FARSB: variants seen among roughly 807,000 people sequenced by gnomAD.
The protein encoded by FARSB is phenylalanyl-tRNA synthetase subunit beta.
FARSB carries 40 observed loss-of-function variants against 69.6 expected under a neutral mutation model. The observed-to-expected ratio is 0.57, with a 90% CI of 0.45 to 0.75. The LOEUF is 0.75. Among genes scored for constraint, FARSB ranks in the 30% least tolerant of loss-of-function variants. The pLI is 0.00. For missense variants in FARSB, 632 were observed against 722.9 expected (o/e 0.87, Z 1.44); for synonymous variants, 235 against 247.2 (o/e 0.95, Z 0.46).
At chr2:222,652,324 A>G (rs1195867091) in intron 1 of FARSB, among the ~76,000 whole-genome samples, 2 of 152,108 alleles carry the variant, frequency 1.3e-5, no homozygotes, top group South Asian at 4.1e-4. Flanking sequence ...TGGAGGTTAG[A>G]GGGGAAACGG....
Position 222,634,418 on chromosome 2 carries a change from T to C in FARSB, c.579A>G (p.Thr193=), listed in dbSNP as rs746559659. ...FKPLNKTKEY[T]ACELMNIYKT... is the part of the protein sequence containing the mutation. ...TGTATATGTTCATCAGTTCACAGGC[T>C]GTATACTCCTTGGTCTTATTTAGAG... is the stretch of plus-strand genomic sequence containing the variant. The change falls in exon 6 of 17, where the codon ACA becomes ACG. Residue 193 remains threonine, a synonymous_variant. Transcript: ENST00000281828. 2 of 1,608,582 alleles carry C rather than the reference T, an allele frequency of 1.2e-6. No individual in the cohort carries two copies. The highest frequency in any genetic ancestry group is 1.7e-6 in the Non-Finnish European group (2 of 1,176,798).
intron 14 of FARSB, among the ~76,000 whole-genome samples, chr2:222,615,110 A>G (rs1253293740): frequency 1.3e-5 from 2 of 152,174 alleles, no homozygotes; most frequent in East Asian, 3.9e-4. Flanking sequence ...AAAAAGCAAA[A>G]ATTTCCTGCT....
At chr2:222,653,870 C>T (rs1306012183) in intron 1 of FARSB, among the ~76,000 whole-genome samples, 2 of 152,114 alleles carry the variant, frequency 1.3e-5, no homozygotes, top group South Asian at 2.1e-4. Context: ...AATCTGCCCA[C>T]CTCGTCCTCC....
chr2:222,586,369 A>G lies in FARSB; in HGVS notation c.1618+13559T>C, dbSNP rs187725252. On this transcript the variant is annotated intron_variant, in intron 16 of 16. Transcript: ENST00000281828. ...AGAGCTCCTGAAGGAAGCACTAAAC[A>G]TGGAAAGGAACAACCGGTACCAGCC... Among the ~76,000 whole-genome samples, 1,427 of 152,304 alleles carry G rather than the reference A, an allele frequency of 9.4e-3. 27 individuals are homozygous for G. Among genetic ancestry groups the G allele is most frequent in the African/African-American group, 0.033 (1,359 of 41,560 alleles).
At chr2:222,617,722 A>G (rs1228391612) in intron 14 of FARSB, among the ~76,000 whole-genome samples, 1 of 152,136 alleles carries the variant, frequency 6.6e-6, no homozygotes, top group Non-Finnish European at 1.5e-5. Context: ...CATCTCTATT[A>G]AAGTACAAAA....
chr2:222,573,500 A>C (rs1689763645), intron 16 of FARSB, among the ~76,000 whole-genome samples: 1 of 152,218 alleles, frequency 6.6e-6, no homozygotes, highest in South Asian at 2.1e-4. Flanking sequence ...ATTAATATGA[A>C]TATTCACATT....
At chr2:222,575,274 C>G (rs558362161) in intron 16 of FARSB, among the ~76,000 whole-genome samples, 1 of 152,290 alleles carries the variant, frequency 6.6e-6, no homozygotes, top group African/African-American at 2.4e-5. Context: ...CGAAATGGAA[C>G]AAAATATGAG....
rs985905636 is a variant in FARSB, at chr2:222,639,597, T to C, written c.438A>G (p.Leu146=). The C allele has an allele frequency of 2.6e-6, 4 of 1,564,352 alleles. No individual in the cohort carries two copies. The highest frequency in any genetic ancestry group is 3.5e-6 in the Non-Finnish European group (4 of 1,143,884). The change falls in exon 5 of 17, where the codon TTA becomes TTG. Residue 146 remains leucine (L), a synonymous_variant. Coordinates refer to ENST00000281828, the MANE Select transcript of FARSB (RefSeq NM_005687.5). ...YDSFIELQEK[L]HQNICRKRAL... ...CCACAAACCTGCAAATATTCTGATG[T>C]AATTTCTCCTGAAGTTCAATGAAGC... is the stretch of plus-strand genomic sequence containing the variant.
chr2:222,611,429 T>C (rs888484229), intron 15 of FARSB, among the ~76,000 whole-genome samples: 2 of 127,964 alleles, frequency 1.6e-5, no homozygotes, highest in African/African-American at 5.9e-5. Flanking sequence ...CTTTCCTTTC[T>C]TTCTTCTTTT....
intron 1 of FARSB, among the ~76,000 whole-genome samples, chr2:222,655,232 T>C (rs1692141326): frequency 6.6e-6 from 1 of 151,828 alleles, no homozygotes; most frequent in African/African-American, 2.4e-5. Flanking sequence ...GGGCAGCTGC[T>C]ACGGCTGTGA....
intron 15 of FARSB, among the ~76,000 whole-genome samples, chr2:222,607,329 C>T: frequency 6.6e-6 from 1 of 152,108 alleles, no homozygotes; most frequent in Non-Finnish European, 1.5e-5. Context: ...GGTACAAGGA[C>T]ATTTCTTGCA....
At chr2:222,639,235 G>A in intron 5 of FARSB, among the ~76,000 whole-genome samples, 1 of 152,038 alleles carries the variant, frequency 6.6e-6, no homozygotes, top group Non-Finnish European at 1.5e-5. Context: ...CATAATCCAC[G>A]ACTGATCTGA....
At chr2:222,592,024 G>A (rs887786908) in intron 16 of FARSB, among the ~76,000 whole-genome samples, 1 of 152,172 alleles carries the variant, frequency 6.6e-6, no homozygotes, top group Non-Finnish European at 1.5e-5. Context: ...TCAGTTTAGA[G>A]CTGGATGGCA....
chr2:222,643,710 G>A (rs1691778119), intron 2 of FARSB, among the ~76,000 whole-genome samples: 1 of 152,130 alleles, frequency 6.6e-6, no homozygotes, highest in African/African-American at 2.4e-5. Context: ...AGGGATAATA[G>A]GTACAATGGG....
intron 10 of FARSB, among the ~76,000 whole-genome samples, chr2:222,626,277 T>C (rs1384752805): frequency 6.9e-6 from 1 of 144,440 alleles, no homozygotes; most frequent in Non-Finnish European, 1.5e-5. Flanking sequence ...AAGTAACTAA[T>C]GAACAAATTA....
Position 222,633,205 on chromosome 2 carries a change from T to C in FARSB, c.709A>G (p.Ile237Val). ...TGCTTATAAAATAACTCACCATTGATGATGGGAGGCATTGAAAGGACGACA... is the reference window on the plus strand; with the variant it reads ...TGCTTATAAAATAACTCACCATTGACGATGGGAGGCATTGAAAGGACGACA... ...NGVVLSMPPI[I>V]NGDHSRITVN... Residue 237 changes from isoleucine to valine, a missense_variant, in exon 7 of 17, where the codon ATC becomes GTC. Coordinates refer to ENST00000281828, the MANE Select transcript of FARSB (RefSeq NM_005687.5). 7.0e-7 allele frequency: 1 copy of C among 1,432,362 alleles called. No individual in the cohort carries two copies. Among genetic ancestry groups the C allele is most frequent in the South Asian group, 1.1e-5 (1 of 87,074 alleles). 88.7% of individuals were successfully genotyped at this position (1,432,362 alleles called of 1,614,324 possible).
At chr2:222,619,127 G>A (rs1239316996) in intron 14 of FARSB, among the ~76,000 whole-genome samples, 4 of 151,008 alleles carry the variant, frequency 2.6e-5, no homozygotes, top group South Asian at 2.1e-4. Context: ...GGGCGACAGA[G>A]CGAGACTCTG....
rs781522279 is a variant in FARSB, at chr2:222,631,677, G to A, written c.716-3C>T. On this transcript the variant is annotated splice_region_variant and splice_polypyrimidine_tract_variant and intron_variant, in intron 7 of 16. Transcript: ENST00000281828. ...TACTGTTATTCTGGAATGATCCCCT[G>A]CAATGAACACAAAACAATAACATTA... 1.5e-5 allele frequency: 22 copies of A among 1,503,934 alleles called. No individual in the cohort carries two copies. Among genetic ancestry groups the A allele is most frequent in the Middle Eastern group, 1.7e-4 (1 of 5,840 alleles). 93.2% of individuals were successfully genotyped at this position (1,503,934 alleles called of 1,614,324 possible).
intron 15 of FARSB, among the ~76,000 whole-genome samples, chr2:222,605,141 C>T (rs544695921): frequency 7.0e-6 from 1 of 143,730 alleles, no homozygotes; most frequent in African/African-American, 2.6e-5. Flanking sequence ...GAGCCTGATT[C>T]CACTGTAGGA....
Sources: allele counts gnomAD v4.1 joint callset (sites outside exome capture counted in the v4.1 genomes callset), GRCh38; gene constraint gnomAD v4.1.1; transcripts MANE v1.5; gene names NCBI Gene and HGNC (gene_info 2026-07-23, HGNC 2026-07-21).